SMARCD1: variants seen among roughly 807,000 people sequenced by gnomAD.
SMARCD1 encodes SWI/SNF related BAF chromatin remodeling complex subunit D1, also known as SWI/SNF-related matrix-associated actin-dependent regulator of chromatin subfamily D member 1.
Under a neutral mutation model 70.8 loss-of-function variants are expected in SMARCD1, and 16 were observed. That is an observed-to-expected ratio of 0.23 (90% confidence interval 0.15 to 0.34). SMARCD1 has a LOEUF of 0.34. Ranked by LOEUF, SMARCD1 falls within the 10% of genes least tolerant of loss-of-function variation. The pLI, the probability that SMARCD1 is intolerant of heterozygous loss-of-function variation, is 1.00. For synonymous variants in SMARCD1, 249 were observed against 246.0 expected, an observed-to-expected ratio of 1.01 and a Z score of -0.11; for missense variants, 409 against 655.5, an observed-to-expected ratio of 0.62 and a Z score of 4.11.
At chr12:50,089,793 A>C in intron 6 of SMARCD1, 91 bp from the exon 7 acceptor site, 1 of 896,082 alleles carries the variant, frequency 1.1e-6, no homozygotes, top group Non-Finnish European at 1.8e-6. Flanking sequence ...CTCAGTAATC[A>C]AAGTTGAATA....
Position 50,085,492 on chromosome 12 carries a change from C to T in SMARCD1, c.123C>T (p.Gly41=). ...CTCCGGGGCCTCCTGTGCGAATGGG[C>T]CCGGCTCCGGGTCAAGGGCTGTACC... ...GGTPGPPVRM[G]PAPGQGLYRS... Residue 41 remains glycine, a synonymous_variant, in exon 1 of 13, where the codon GGC becomes GGT. Transcript: ENST00000394963. 8.1e-7 allele frequency: 1 copy of T among 1,239,482 alleles called. No homozygotes were observed. Among genetic ancestry groups the T allele is most frequent in the Non-Finnish European group, 1.0e-6 (1 of 991,570 alleles). The allele number at this position is 1,239,482 out of a possible 1,614,324, so 76.8% of individuals were successfully genotyped here. A position where few individuals can be genotyped will look rare whatever the true frequency, so the allele number is the denominator to read the frequency against.
intron 9 of SMARCD1, among the ~76,000 whole-genome samples, chr12:50,092,629 C>T (rs898685732): frequency 6.6e-6 from 1 of 151,766 alleles, no homozygotes; most frequent in African/African-American, 2.4e-5. Context: ...ACAGTAGTAA[C>T]TCCTCAACCT....
chr12:50,086,976 T>C, intron 4 of SMARCD1, 98 bp downstream of exon 4: 1 of 1,271,814 alleles, frequency 7.9e-7, no homozygotes, highest in South Asian at 1.3e-5. Flanking sequence ...ACAACTCTCC[T>C]TGGCATTTAA....
chr12:50,088,199 C>T (rs952234154), intron 5 of SMARCD1: 14 of 695,474 alleles, frequency 2.0e-5, no homozygotes, highest in Non-Finnish European at 3.1e-5. Flanking sequence ...TTCATTTCCC[C>T]TCTAGAGTCA....
intron 10 of SMARCD1, 105 bp downstream of exon 10, chr12:50,094,677 A>G (rs1950876584): frequency 9.1e-7 from 1 of 1,104,396 alleles, no homozygotes; most frequent in South Asian, 1.5e-5. Context: ...GACACCCAGT[A>G]TATGTCAGGT....
rs182232640 is a variant in SMARCD1 at position 50,087,858 on chromosome 12, A to G, written c.654+373A>G. Among the ~76,000 whole-genome samples, 4 of 151,762 alleles carry G rather than the reference A, an allele frequency of 2.6e-5. No individual in the cohort carries two copies. The East Asian group carries it at 5.8e-4, about 22-fold the overall frequency. ...TCCTTGTGGTATCTCCATCTTCTCAACTTTCACTGGAGGCACCCCACAGTT... is the reference window on the plus strand; with the variant it reads ...TCCTTGTGGTATCTCCATCTTCTCAGCTTTCACTGGAGGCACCCCACAGTT... On this transcript the variant is annotated intron_variant, in intron 5 of 12. Coordinates refer to ENST00000394963, the MANE Select transcript of SMARCD1 (RefSeq NM_003076.5).
chr12:50,086,130 A>G (rs1350243187), intron 1 of SMARCD1, 31 bp from the exon 2 acceptor site: 7 of 1,448,546 alleles, frequency 4.8e-6, no homozygotes, highest in East Asian at 2.3e-5. Context: ...AGGTGAAACC[A>G]TGACATCTCT....
In SMARCD1 at chr12:50,087,488, G is replaced by A; in HGVS notation, c.654+3G>A. 6.2e-7 allele frequency: 1 copy of A among 1,613,488 alleles called. No individual in the cohort carries two copies. The highest frequency in any genetic ancestry group is 1.7e-5 in the Admixed American group (1 of 59,994). On this transcript the variant is annotated splice_donor_region_variant and intron_variant, in intron 5 of 12. Transcript: ENST00000394963. ...TAGAAGGACGGCTCCTGGAGGATGT[G>A]AGTTCAAGGTCCACAATGGTTGGCA...
rs1193202057 is a variant in SMARCD1 at position 50,100,163 on chromosome 12, A to G, written c.*1163A>G. The stretch of plus-strand genomic sequence containing the variant: ...GAGATGGTTTTTGCATCTTTCCAGG[A>G]GAGCCTCACATTCTTCTTCCAGGTT... On this transcript the variant is annotated 3_prime_UTR_variant, in exon 13 of 13. Transcript: ENST00000394963. 1 of 152,638 alleles carries G rather than the reference A, an allele frequency of 6.6e-6. No individual in the cohort carries two copies. Among genetic ancestry groups the G allele is most frequent in the Non-Finnish European group, 1.5e-5 (1 of 68,102 alleles). The allele number at this position is 152,638 out of a possible 1,614,324, so 9.5% of individuals were successfully genotyped here.
At position 50,086,286 on chromosome 12, in the gene SMARCD1, G is replaced by A; in HGVS notation, c.303G>A (p.Lys101=). ...AGTCAGGGATGGATCAGTCCCGCAA[G>A]AGACCTGCCCCTCAGCAGATCCAGC... ...LAQSGMDQSR[K]RPAPQQIQQV... The change falls in exon 2 of 13, where the codon AAG becomes AAA. Residue 101 remains lysine, a synonymous_variant. Coordinates refer to ENST00000394963, the MANE Select transcript of SMARCD1 (RefSeq NM_003076.5). 1 of 1,612,800 alleles carries A rather than the reference G, an allele frequency of 6.2e-7. No homozygotes were observed. Among genetic ancestry groups the A allele is most frequent in the Non-Finnish European group, 8.5e-7 (1 of 1,179,358 alleles).
intron 5 of SMARCD1, among the ~76,000 whole-genome samples, chr12:50,087,771 T>G (rs1950804561): frequency 6.6e-6 from 1 of 152,100 alleles, no homozygotes; most frequent in Non-Finnish European, 1.5e-5. Context: ...ATCTGTAGAT[T>G]ATTTAGTTTT....
At chr12:50,092,473 C>G (rs1288632392) in intron 9 of SMARCD1, among the ~76,000 whole-genome samples, 3 of 149,634 alleles carry the variant, frequency 2.0e-5, no homozygotes, top group Non-Finnish European at 4.4e-5. Context: ...CCACCCGCCT[C>G]GGCCTCCCAA....
intron 9 of SMARCD1, among the ~76,000 whole-genome samples, chr12:50,093,659 A>C (rs1410158218): frequency 1.3e-5 from 2 of 151,296 alleles, no homozygotes; most frequent in Non-Finnish European, 2.9e-5. Flanking sequence ...TTGTTTTGAA[A>C]TTTTTTGTAG....
intron 10 of SMARCD1, 141 bp downstream of exon 10, chr12:50,094,713 A>C: frequency 1.3e-6 from 1 of 756,672 alleles, no homozygotes; most frequent in South Asian, 1.9e-5. Flanking sequence ...GGTTTGAGCC[A>C]GACTCAAATG....
chr12:50,086,392 G>A (rs773880711), intron 2 of SMARCD1, 44 bp downstream of exon 2: 1 of 1,430,252 alleles, frequency 7.0e-7, no homozygotes, highest in South Asian at 1.3e-5. Context: ...GGGAGCCTGG[G>A]AGGACACAGG....
chr12:50,089,596 A>C (rs1950822816), intron 6 of SMARCD1, among the ~76,000 whole-genome samples: 1 of 152,278 alleles, frequency 6.6e-6, no homozygotes, highest in South Asian at 2.1e-4. Flanking sequence ...GTACTCAGTA[A>C]ATGATAGCTA....
At chr12:50,093,804 T>G (rs1950868791) in intron 9 of SMARCD1, among the ~76,000 whole-genome samples, 1 of 151,508 alleles carries the variant, frequency 6.6e-6, no homozygotes, top group Non-Finnish European at 1.5e-5. Flanking sequence ...TTTTTAGAGA[T>G]CGTCTCACTC....
chr12:50,087,011 A>G (rs1950797650), intron 4 of SMARCD1, 133 bp downstream of exon 4: 2 of 917,536 alleles, frequency 2.2e-6, no homozygotes, highest in Non-Finnish European at 3.3e-6. Flanking sequence ...TTCCGCCTAC[A>G]AACTGAGAAT....
At chr12:50,098,883 G>A in intron 12 of SMARCD1, 64 bp from the exon 13 acceptor site, 16 of 1,599,036 alleles carry the variant, frequency 1.0e-5, no homozygotes, top group Non-Finnish European at 1.4e-5. Context: ...ATGGGGGTCA[G>A]TGGTGTTAGA....
Sources: allele counts gnomAD v4.1 joint callset (sites outside exome capture counted in the v4.1 genomes callset), GRCh38; gene constraint gnomAD v4.1.1; transcripts MANE v1.5; gene names NCBI Gene and HGNC (gene_info 2026-07-23, HGNC 2026-07-21).